Variants in RXFP1 observed in about 807,000 individuals in gnomAD.
RXFP1 encodes relaxin receptor 1.
A neutral mutation model predicts 89.8 loss-of-function variants in RXFP1; 73 were observed. That is an observed-to-expected ratio of 0.81 (90% CI 0.67 to 0.99). The LOEUF is 0.99. Ranked by LOEUF, RXFP1 falls within the 50% of genes least tolerant of loss-of-function variation. RXFP1 has a pLI of 0.00. For missense variants in RXFP1, 793 were observed against 895.5 expected, an observed-to-expected ratio of 0.89 and a Z score of 1.46; for synonymous variants, 277 against 305.5, an observed-to-expected ratio of 0.91 and a Z score of 0.97.
chr4:158,591,586 A>C (rs944115521), intron 2 of RXFP1, among the ~76,000 whole-genome samples: 1 of 122,062 alleles, frequency 8.2e-6, no homozygotes, highest in Non-Finnish European at 1.6e-5. Flanking sequence ...CCATCTCTAC[A>C]AAAAAAAAAA....
At chr4:158,594,482 C>T (rs771012307) in intron 3 of RXFP1, among the ~76,000 whole-genome samples, 2 of 150,736 alleles carry the variant, frequency 1.3e-5, no homozygotes, top group Non-Finnish European at 2.9e-5. Context: ...ATGACTATGA[C>T]AATAGGTACT....
At chr4:158,522,169 C>T in intron 1 of RXFP1, 144 bp downstream of exon 1, 1 of 585,948 alleles carries the variant, frequency 1.7e-6, no homozygotes, top group Non-Finnish European at 3.0e-6. Context: ...AATTGTTCTT[C>T]TTAGTATATG....
intron 2 of RXFP1, among the ~76,000 whole-genome samples, chr4:158,583,863 T>G (rs1757818659): frequency 6.6e-6 from 1 of 152,232 alleles, no homozygotes; most frequent in African/African-American, 2.4e-5. Flanking sequence ...CATCCTTTGA[T>G]TTCCATAAAC....
chr4:158,640,237 A>G (rs1459296418), intron 14 of RXFP1, among the ~76,000 whole-genome samples: 4 of 152,224 alleles, frequency 2.6e-5, no homozygotes, highest in Admixed American at 2.0e-4. Flanking sequence ...TGGTCTTGTA[A>G]GAAGTTCTCC....
At chr4:158,649,942 G>A (rs1772327056) in intron 17 of RXFP1, among the ~76,000 whole-genome samples, 1 of 152,222 alleles carries the variant, frequency 6.6e-6, no homozygotes, top group African/African-American at 2.4e-5. Flanking sequence ...GTACACCCAT[G>A]TTCATTGCAG....
At chr4:158,631,419 G>T (rs893928584) in intron 11 of RXFP1, among the ~76,000 whole-genome samples, 3 of 152,148 alleles carry the variant, frequency 2.0e-5, no homozygotes, top group African/African-American at 4.8e-5. Context: ...CTAGGCACTG[G>T]GTAGCCCAGA....
intron 14 of RXFP1, 106 bp from the exon 15 acceptor site, chr4:158,644,803 C>T: frequency 1.3e-6 from 1 of 765,732 alleles, no homozygotes; most frequent in Non-Finnish European, 2.1e-6. Flanking sequence ...TCAATTTCAT[C>T]TTAAGACATT....
chr4:158,582,184 C>T lies in RXFP1; in HGVS notation c.187+9349C>T, dbSNP rs976443211. ...GGTTGGGTGGGAACAAACAGCCAAA[C>T]TATAGCAGTAGACATGACAATCATT... is the stretch of plus-strand genomic sequence containing the variant. On this transcript the variant is annotated intron_variant, in intron 2 of 17. Coordinates refer to ENST00000307765, the MANE Select transcript of RXFP1 (RefSeq NM_021634.4). Among the ~76,000 whole-genome samples, 5 of 152,258 alleles carry T rather than the reference C, an allele frequency of 3.3e-5. No homozygotes were observed. In the East Asian group the frequency reaches 9.6e-4, roughly 29 times the overall value.
intron 1 of RXFP1, among the ~76,000 whole-genome samples, chr4:158,558,067 C>G (rs970064159): frequency 9.9e-5 from 15 of 152,208 alleles, no homozygotes. Context: ...CAAGGTAAGC[C>G]TACTAATACC....
chr4:158,551,918 G>A (rs767846238), intron 1 of RXFP1, among the ~76,000 whole-genome samples: 2 of 152,040 alleles, frequency 1.3e-5, no homozygotes, highest in Non-Finnish European at 2.9e-5. Flanking sequence ...CTCCAGCCTG[G>A]GTGACACAGT....
In RXFP1 at chr4:158,572,731, C is replaced by T. The variant is rs772369528; in HGVS notation, c.83C>T (p.Ser28Phe). 1.2e-6 allele frequency: 2 copies of T among 1,614,192 alleles called. No homozygotes were observed. Among genetic ancestry groups the T allele is most frequent in the Non-Finnish European group, 1.7e-6 (2 of 1,180,032 alleles). ...GGGGGTGGACAGGATGTCAAGTGCT[C>T]CCTTGGCTATTTCCCCTGTGGGAAC... ...SHGGGQDVKCSLGYFPCGNIT... is the reference protein window; with the variant it reads ...SHGGGQDVKCFLGYFPCGNIT... The change falls in exon 2 of 18, where the codon TCC (serine) becomes TTC (phenylalanine). Residue 28 changes from serine to phenylalanine, a missense_variant. Coordinates refer to ENST00000307765, the MANE Select transcript of RXFP1 (RefSeq NM_021634.4).
chr4:158,612,180 A>T lies in RXFP1; in HGVS notation c.587A>T (p.Asp196Val), dbSNP rs1245604004. The part of the protein sequence containing the change: ...ITFLKPGVFE[D>V]LHRLEWLIIE... ...TTCCTGAAGCCGGGTGTTTTTGAAGATCTTCACAGACTAGAATGGCTGTAT... is the reference window on the plus strand; with the variant it reads ...TTCCTGAAGCCGGGTGTTTTTGAAGTTCTTCACAGACTAGAATGGCTGTAT... Residue 196 changes from aspartate to valine, a missense_variant, in exon 7 of 18, where the codon GAT becomes GTT. Transcript: ENST00000307765. 6.2e-7 allele frequency: 1 copy of T among 1,611,810 alleles called. No homozygotes were observed.
chr4:158,633,520 TA>T (rs747882693), intron 12 of RXFP1, 44 bp downstream of exon 12: 10 of 1,255,340 alleles, frequency 8.0e-6, no homozygotes, highest in Non-Finnish European at 1.1e-5. Context: ...TTTATTTTAT[TA>T]TTTTTTAAAT....
intron 12 of RXFP1, among the ~76,000 whole-genome samples, chr4:158,635,240 C>T (rs1768923046): frequency 6.6e-6 from 1 of 152,104 alleles, no homozygotes; most frequent in South Asian, 2.1e-4. Flanking sequence ...TATCTTTCAC[C>T]TCCTTGGTTA....
chr4:158,619,517 T>C (rs1465464983), intron 9 of RXFP1, among the ~76,000 whole-genome samples: 1 of 152,210 alleles, frequency 6.6e-6, no homozygotes, highest in Non-Finnish European at 1.5e-5. Flanking sequence ...TGGGCTACTA[T>C]AGTGCTTTAA....
Position 158,628,823 on chromosome 4 carries a change from A to G in RXFP1, c.899+114A>G, listed in dbSNP as rs1767450216. The G allele has an allele frequency of 2.0e-5, 10 of 505,906 alleles. No homozygotes were observed. In the East Asian group the frequency reaches 2.7e-4, roughly 14 times the overall value. 31.3% of individuals were successfully genotyped at this position (505,906 alleles called of 1,614,324 possible). A position where few individuals can be genotyped will look rare whatever the true frequency, so the allele number is the denominator to read the frequency against. ...TATTACTTATCTCCTCTTTCTAAGC[A>G]TTATTTACATATATACACCTCAAGC... On this transcript the variant is annotated intron_variant, in intron 11 of 17. Coordinates refer to ENST00000307765, the MANE Select transcript of RXFP1 (RefSeq NM_021634.4).
At chr4:158,572,249 A>T (rs1395312207) in intron 1 of RXFP1, among the ~76,000 whole-genome samples, 5 of 152,170 alleles carry the variant, frequency 3.3e-5, no homozygotes, top group Admixed American at 6.5e-5. Flanking sequence ...CCGTGTACTT[A>T]ATCATCTCAG....
chr4:158,588,262 A>G lies in RXFP1; in HGVS notation c.188-5139A>G, dbSNP rs1758690651. On this transcript the variant is annotated intron_variant, in intron 2 of 17. Coordinates refer to ENST00000307765, the MANE Select transcript of RXFP1 (RefSeq NM_021634.4). ...CATGAGATTCCACTTGAGCTCCCCA[A>G]ATTAACTAAATGTCTAATCATTGTT... Among the ~76,000 whole-genome samples the G allele has an allele frequency of 2.6e-5, 4 of 152,122 alleles. No individual in the cohort carries two copies. In the South Asian group the frequency reaches 8.3e-4, roughly 32 times the overall value.
intron 14 of RXFP1, among the ~76,000 whole-genome samples, 194 bp downstream of exon 14, chr4:158,639,525 G>A (rs1042415960): frequency 6.6e-6 from 1 of 152,142 alleles, no homozygotes; most frequent in Non-Finnish European, 1.5e-5. Flanking sequence ...CCTTTGGGAG[G>A]TGACTAGGTC....
Sources: gnomAD v4.1 joint callset for allele counts (sites outside exome capture counted in the v4.1 genomes callset) on GRCh38, gnomAD v4.1.1 for gene constraint, MANE v1.5 for transcripts, NCBI Gene and HGNC (gene_info 2026-07-23, HGNC 2026-07-21) for gene names.